Variants in FAM184A observed in about 807,000 individuals in gnomAD.
The protein encoded by FAM184A is family with sequence similarity 184 member A.
Under a neutral mutation model 143.8 loss-of-function variants are expected in FAM184A, and 99 were observed. The ratio of observed to expected loss-of-function variants is 0.69; its 90% CI spans 0.58 to 0.81. The LOEUF (loss-of-function observed/expected upper bound fraction) is 0.81. Ranked by LOEUF, FAM184A falls within the 40% of genes least tolerant of loss-of-function variation. FAM184A has a pLI of 0.00. For synonymous variants in FAM184A, 427 were observed against 446.4 expected (o/e 0.96, Z 0.55); for missense variants, 1,217 against 1,310.5 (o/e 0.93, Z 1.10).
chr6:119,090,442 A>T (rs113182818), intron 1 of FAM184A, among the ~76,000 whole-genome samples: 6 of 152,336 alleles, frequency 3.9e-5, no homozygotes, highest in African/African-American at 1.4e-4. Context: ...GAGATCCAGC[A>T]GGTGCTTGAG....
At chr6:119,064,076 C>T (rs1787354501) in intron 1 of FAM184A, among the ~76,000 whole-genome samples, 2 of 152,162 alleles carry the variant, frequency 1.3e-5, no homozygotes, top group African/African-American at 4.8e-5. Flanking sequence ...ATATAGCCTC[C>T]TCTCAGGCTA....
chr6:119,098,154 T>G (rs1174698397), intron 1 of FAM184A, among the ~76,000 whole-genome samples: 3 of 152,182 alleles, frequency 2.0e-5, no homozygotes, highest in African/African-American at 7.2e-5. Context: ...TGGTAGTGAG[T>G]AAGTCTCATG....
At chr6:119,033,065 T>C (rs1040260974) in intron 1 of FAM184A, among the ~76,000 whole-genome samples, 1 of 152,138 alleles carries the variant, frequency 6.6e-6, no homozygotes, top group Non-Finnish European at 1.5e-5. Flanking sequence ...TATAATTTTT[T>C]TGCAAATTAT....
intron 9 of FAM184A, among the ~76,000 whole-genome samples, chr6:119,002,692 T>C (rs1784800517): frequency 6.6e-6 from 1 of 152,160 alleles, no homozygotes; most frequent in African/African-American, 2.4e-5. Flanking sequence ...TTCTTCTCGG[T>C]ATTCAGACTG....
chr6:119,025,565 T>A (rs1050115665), intron 1 of FAM184A: 3 of 519,014 alleles, frequency 5.8e-6, no homozygotes, highest in Middle Eastern at 3.2e-4. Context: ...TAGGTTTTAA[T>A]GATTTCACTG....
chr6:119,130,044 AT>A (rs113740424), intron 1 of FAM184A, among the ~76,000 whole-genome samples: 5 of 151,576 alleles, frequency 3.3e-5, no homozygotes, highest in South Asian at 4.2e-4. Context: ...GGTTTTAAAC[AT>A]TTTTTTTTAA....
intron 7 of FAM184A, among the ~76,000 whole-genome samples, chr6:119,004,197 G>T (rs749158376): frequency 6.6e-6 from 1 of 152,230 alleles, no homozygotes; most frequent in Non-Finnish European, 1.5e-5. Context: ...GCTCTGTGGA[G>T]CCTGGGGATA....
At chr6:119,084,725 C>T (rs754158003) in intron 1 of FAM184A, among the ~76,000 whole-genome samples, 1 of 152,260 alleles carries the variant, frequency 6.6e-6, no homozygotes, top group Non-Finnish European at 1.5e-5. Context: ...TCCATGAGGG[C>T]TCTGCCTCTG....
At chr6:118,993,827 A>T (rs1784456895) in intron 9 of FAM184A, among the ~76,000 whole-genome samples, 1 of 152,344 alleles carries the variant, frequency 6.6e-6, no homozygotes, top group African/African-American at 2.4e-5. Context: ...TCCACACTGC[A>T]GCCAGTTTTG....
At chr6:119,124,131 G>A (rs1437476421) in intron 1 of FAM184A, among the ~76,000 whole-genome samples, 1 of 152,078 alleles carries the variant, frequency 6.6e-6, no homozygotes, top group Non-Finnish European at 1.5e-5. Context: ...TAGCCAATCA[G>A]TATTTATGCA....
chr6:119,023,771 T>C (rs1002644920), intron 2 of FAM184A, among the ~76,000 whole-genome samples, 188 bp downstream of exon 2: 2 of 135,676 alleles, frequency 1.5e-5, no homozygotes, highest in Non-Finnish European at 3.1e-5. Flanking sequence ...TACAGGGTAA[T>C]ACAAATTATC....
intron 1 of FAM184A, among the ~76,000 whole-genome samples, chr6:119,028,034 C>T (rs1306955116): frequency 6.6e-6 from 1 of 152,140 alleles, no homozygotes; most frequent in Non-Finnish European, 1.5e-5. Flanking sequence ...AATGTGTAAC[C>T]TCCTTGTATT....
intron 1 of FAM184A, among the ~76,000 whole-genome samples, chr6:119,128,845 C>T (rs1480643350): frequency 1.3e-5 from 2 of 151,544 alleles, no homozygotes; most frequent in Non-Finnish European, 2.9e-5. Flanking sequence ...GGGGGAGGGG[C>T]CCTGGAATTT....
intron 1 of FAM184A, among the ~76,000 whole-genome samples, chr6:119,035,758 A>AT (rs1351396452): frequency 6.6e-6 from 1 of 152,056 alleles, no homozygotes; most frequent in Non-Finnish European, 1.5e-5. Context: ...GCCAAAAAAA[A>AT]TTTTTTTTGA....
chr6:119,092,916 C>T (rs1788410681), intron 1 of FAM184A, among the ~76,000 whole-genome samples: 2 of 152,248 alleles, frequency 1.3e-5, no homozygotes, highest in South Asian at 4.1e-4. Flanking sequence ...CCATCTCACT[C>T]CTGGGAACAT....
intron 1 of FAM184A, among the ~76,000 whole-genome samples, chr6:119,065,397 A>G (rs1430005419): frequency 6.6e-6 from 1 of 152,224 alleles, no homozygotes; most frequent in African/African-American, 2.4e-5. Flanking sequence ...TGAGAAGCCG[A>G]GCCAGAACCA....
intron 1 of FAM184A, among the ~76,000 whole-genome samples, chr6:119,137,423 C>A (rs1453956439): frequency 2.0e-5 from 3 of 152,158 alleles, no homozygotes; most frequent in Non-Finnish European, 4.4e-5. Flanking sequence ...CCTCATTCAA[C>A]CTTAATCATC....
At chr6:118,965,256 C>T (rs1783467782) in intron 15 of FAM184A, among the ~76,000 whole-genome samples, 1 of 147,012 alleles carries the variant, frequency 6.8e-6, no homozygotes. Flanking sequence ...CTACATCATC[C>T]AGGTTGGACT....
At chr6:119,093,098 T>C (rs1296650089) in intron 1 of FAM184A, among the ~76,000 whole-genome samples, 1 of 152,324 alleles carries the variant, frequency 6.6e-6, no homozygotes, top group East Asian at 1.9e-4. Context: ...GGCTCAATTC[T>C]GTGGCAGAAT....
Sources: allele counts gnomAD v4.1 joint callset (sites outside exome capture counted in the v4.1 genomes callset), GRCh38; gene constraint gnomAD v4.1.1; transcripts MANE v1.5; gene names NCBI Gene and HGNC (gene_info 2026-07-23, HGNC 2026-07-21).